The following DOK5 variants were observed in gnomAD, a reference collection of about 807,000 sequenced individuals.
The protein encoded by DOK5 is downstream of tyrosine kinase 5.
Under a neutral mutation model 43.3 loss-of-function variants are expected in DOK5, and 27 were observed. The observed-to-expected ratio is 0.62, with a 90% CI of 0.46 to 0.86. The LOEUF (loss-of-function observed/expected upper bound fraction) is 0.86, where lower values mean the gene tolerates loss of function less well. DOK5 is among the 40% of genes least tolerant of loss of function. DOK5 has a pLI of 0.00. For synonymous variants in DOK5, 146 were observed against 140.1 expected, an observed-to-expected ratio of 1.04 and a Z score of -0.30; for missense variants, 373 against 392.9, an observed-to-expected ratio of 0.95 and a Z score of 0.43.
intron 6 of DOK5, among the ~76,000 whole-genome samples, chr20:54,623,856 G>A (rs1436051622): frequency 6.6e-6 from 1 of 152,150 alleles, no homozygotes; most frequent in African/African-American, 2.4e-5. Context: ...TTGGATTACA[G>A]GCGTGAGCCA....
At chr20:54,570,094 G>A (rs1985236546) in intron 2 of DOK5, among the ~76,000 whole-genome samples, 1 of 152,142 alleles carries the variant, frequency 6.6e-6, no homozygotes, top group Non-Finnish European at 1.5e-5. Context: ...GTATATTTAA[G>A]CCATTGGTAT....
At chr20:54,540,221 A>T (rs750685311) in intron 1 of DOK5, among the ~76,000 whole-genome samples, 2 of 151,996 alleles carry the variant, frequency 1.3e-5, no homozygotes, top group Non-Finnish European at 2.9e-5. Flanking sequence ...ATAGTCTATC[A>T]CCATTATGAC....
intron 1 of DOK5, among the ~76,000 whole-genome samples, chr20:54,496,836 A>C (rs1982423394): frequency 6.6e-6 from 1 of 151,882 alleles, no homozygotes; most frequent in South Asian, 2.1e-4. Context: ...GAGAGATTCG[A>C]TATTAACTTC....
At chr20:54,499,643 T>C (rs1982520909) in intron 1 of DOK5, among the ~76,000 whole-genome samples, 1 of 152,264 alleles carries the variant, frequency 6.6e-6, no homozygotes, top group Admixed American at 6.5e-5. Flanking sequence ...TTTAAAAACA[T>C]CTCTGTGTAC....
chr20:54,507,505 A>T (rs1982852265), intron 1 of DOK5, among the ~76,000 whole-genome samples: 1 of 152,242 alleles, frequency 6.6e-6, no homozygotes, highest in African/African-American at 2.4e-5. Flanking sequence ...AAGGCATCAA[A>T]AATCCGGTAT....
chr20:54,574,185 T>G (rs1985383958), intron 2 of DOK5, among the ~76,000 whole-genome samples: 1 of 152,116 alleles, frequency 6.6e-6, no homozygotes, highest in South Asian at 2.1e-4. Context: ...CAGCTAATGA[T>G]GGAATGCAAA....
intron 1 of DOK5, among the ~76,000 whole-genome samples, chr20:54,544,821 T>C (rs577129843): frequency 1.3e-5 from 2 of 152,272 alleles, no homozygotes; most frequent in South Asian, 2.1e-4. Context: ...TGGTCAACAA[T>C]GCAAAAGCCT....
intron 2 of DOK5, among the ~76,000 whole-genome samples, chr20:54,573,554 G>T (rs1985359284): frequency 1.3e-5 from 2 of 151,900 alleles, no homozygotes; most frequent in Admixed American, 1.3e-4. Flanking sequence ...GGGTGTGGTG[G>T]CACATGCGTG....
rs182716632 is a variant in DOK5 at position 54,573,531 on chromosome 20, C to G, written c.175-14952C>G. 4.2e-3 allele frequency among the ~76,000 whole-genome samples: 640 copies of G among 151,668 alleles called. 3 individuals are homozygous for G. The highest frequency in any genetic ancestry group is 0.015 in the African/African-American group (623 of 41,372). On this transcript the variant is annotated intron_variant, in intron 2 of 7. Coordinates refer to ENST00000262593, the MANE Select transcript of DOK5 (RefSeq NM_018431.5). ...TGAAACCCCATCTCTACTAAAAATA[C>G]AAAAAATTAGCTGGGTGTGGTGGCA... is the stretch of plus-strand genomic sequence containing the variant.
intron 2 of DOK5, among the ~76,000 whole-genome samples, chr20:54,576,000 A>G (rs1331224706): frequency 2.0e-5 from 3 of 152,328 alleles, no homozygotes; most frequent in African/African-American, 7.2e-5. Flanking sequence ...ATTTTGGAAA[A>G]GAAAATCATG....
At position 54,594,859 on chromosome 20, in the gene DOK5, C is replaced by T. The variant is rs1232580966; in HGVS notation, c.599+3054C>T. On this transcript the variant is annotated intron_variant, in intron 5 of 7. Transcript: ENST00000262593. Reference sequence around the variant, plus strand: ...ATGAACACTGTACATATCCTGCAAACGTTTAATTTATTCATATTGAAATCT... The same window carrying T: ...ATGAACACTGTACATATCCTGCAAATGTTTAATTTATTCATATTGAAATCT... Among the ~76,000 whole-genome samples the T allele has an allele frequency of 7.2e-5, 11 of 152,046 alleles. No individual in the cohort carries two copies. The East Asian group carries it at 7.7e-4, about 11-fold the overall frequency.
intron 1 of DOK5, among the ~76,000 whole-genome samples, chr20:54,513,176 C>G (rs894003282): frequency 2.0e-4 from 31 of 152,086 alleles, no homozygotes; most frequent in African/African-American, 7.2e-4. Context: ...CAGGGATGCT[C>G]CTGGAGATTG....
chr20:54,531,656 A>G (rs1328647420), intron 1 of DOK5, among the ~76,000 whole-genome samples: 1 of 152,222 alleles, frequency 6.6e-6, no homozygotes, highest in Non-Finnish European at 1.5e-5. Flanking sequence ...CACTTTCTTC[A>G]TATCCTTTGA....
At chr20:54,535,441 A>C (rs1406061797) in intron 1 of DOK5, among the ~76,000 whole-genome samples, 3 of 152,050 alleles carry the variant, frequency 2.0e-5, no homozygotes, top group Non-Finnish European at 2.9e-5. Flanking sequence ...GAGAGACTGA[A>C]CCTTGCTGAA....
In DOK5 at chr20:54,650,305, T is replaced by C. The variant is rs529745414; in HGVS notation, c.857-110T>C. 1.4e-5 allele frequency: 14 copies of C among 1,007,412 alleles called. No individual in the cohort carries two copies. The Admixed American group carries it at 2.9e-4, about 21-fold the overall frequency. 62.4% of individuals were successfully genotyped at this position (1,007,412 alleles called of 1,614,324 possible). A position where few individuals can be genotyped will look rare whatever the true frequency, so the allele number is the denominator to read the frequency against. On this transcript the variant is annotated intron_variant, in intron 7 of 7. Coordinates refer to ENST00000262593, the MANE Select transcript of DOK5 (RefSeq NM_018431.5). The stretch of plus-strand genomic sequence containing the variant: ...CCTGAGAGGCCTTTGGAAAAAATTC[T>C]GCCTTAAGTACATTTACTTATTTCT...
intron 1 of DOK5, among the ~76,000 whole-genome samples, chr20:54,512,400 A>C (rs56150515): frequency 0.035 from 5,344 of 152,282 alleles, 305 homozygotes; most frequent in African/African-American, 0.12. Flanking sequence ...CTCAAAAGGC[A>C]TTGACTGACC....
chr20:54,521,984 C>T (rs142942765), intron 1 of DOK5, among the ~76,000 whole-genome samples: 3 of 152,348 alleles, frequency 2.0e-5, no homozygotes, highest in Non-Finnish European at 4.4e-5. Flanking sequence ...ACCAGCCAAA[C>T]TGCTTCATAT....
At chr20:54,532,396 G>A (rs1983806780) in intron 1 of DOK5, among the ~76,000 whole-genome samples, 2 of 152,186 alleles carry the variant, frequency 1.3e-5, no homozygotes, top group African/African-American at 2.4e-5. Flanking sequence ...ATTAGGAGAG[G>A]TTTCCTAGAA....
intron 5 of DOK5, among the ~76,000 whole-genome samples, chr20:54,599,775 G>A (rs1986251039): frequency 6.6e-6 from 1 of 152,178 alleles, no homozygotes; most frequent in Admixed American, 6.5e-5. Context: ...ATTCTAGAAA[G>A]GGCTAGTAAA....
Sources: gnomAD v4.1 joint callset for allele counts (sites outside exome capture counted in the v4.1 genomes callset) on GRCh38, gnomAD v4.1.1 for gene constraint, MANE v1.5 for transcripts, NCBI Gene and HGNC (gene_info 2026-07-23, HGNC 2026-07-21) for gene names.